Variants in NEBL observed in about 807,000 individuals in gnomAD.
NEBL encodes the protein LIM and SH3 protein 2.
A neutral mutation model predicts 140.2 loss-of-function variants in NEBL; 122 were observed. The observed-to-expected ratio is 0.87, with a 90% CI of 0.75 to 1.01. The LOEUF (loss-of-function observed/expected upper bound fraction) is 1.01, where lower values mean the gene tolerates loss of function less well. NEBL is among the 50% of genes least tolerant of loss of function. The pLI is 0.00. For missense variants in NEBL, 1,365 were observed against 1,231.3 expected, an observed-to-expected ratio of 1.11 and a Z score of -1.62; for synonymous variants, 436 against 398.9, an observed-to-expected ratio of 1.09 and a Z score of -1.11.
At chr10:21,271,688 G>C (rs1390382731) in intron 1 of NEBL, among the ~76,000 whole-genome samples, 1 of 151,760 alleles carries the variant, frequency 6.6e-6, no homozygotes, top group Non-Finnish European at 1.5e-5. Context: ...ACCACGCCTG[G>C]CTGATTTTTG....
intron 3 of NEBL, among the ~76,000 whole-genome samples, chr10:21,188,400 GA>G (rs1841512225): frequency 6.6e-6 from 1 of 152,084 alleles, no homozygotes; most frequent in African/African-American, 2.4e-5. Context: ...TCACAAGTGT[GA>G]TATAAAAACA....
chr10:21,277,982 C>G (rs901683061), intron 1 of NEBL, among the ~76,000 whole-genome samples: 1 of 152,158 alleles, frequency 6.6e-6, no homozygotes, highest in Admixed American at 6.5e-5. Context: ...TGACAAAAGA[C>G]CCCTTGAGGC....
At chr10:20,996,717 A>G (rs573953212) in intron 3 of NEBL, among the ~76,000 whole-genome samples, 1 of 152,336 alleles carries the variant, frequency 6.6e-6, no homozygotes, top group South Asian at 2.1e-4. Context: ...TACCTTCTTA[A>G]AAGTATCATA....
intron 4 of NEBL, among the ~76,000 whole-genome samples, chr10:20,951,109 G>A (rs1340440555): frequency 1.3e-4 from 19 of 150,936 alleles, no homozygotes; most frequent in East Asian, 9.7e-4. Flanking sequence ...ATCTCTATTC[G>A]AAAAAAACAA....
intron 2 of NEBL, among the ~76,000 whole-genome samples, chr10:21,128,949 A>G (rs1838970797): frequency 6.6e-6 from 1 of 152,226 alleles, no homozygotes. Flanking sequence ...CATATAAACT[A>G]GAAACAACAA....
intron 1 of NEBL, among the ~76,000 whole-genome samples, chr10:21,280,619 C>CTTTTTTTTTTTTTTTTTTTTTTTCTTT (rs554320752): frequency 1.0e-5 from 1 of 98,134 alleles, no homozygotes; most frequent in Admixed American, 1.4e-4. Context: ...TTTCTTTTTC[C>CTTTTTTTTTTTTTTTTTTTTTTTCTTT]TTTTTTTTTT....
At chr10:21,258,895 A>C (rs943317740) in intron 1 of NEBL, among the ~76,000 whole-genome samples, 3 of 152,058 alleles carry the variant, frequency 2.0e-5, no homozygotes, top group Non-Finnish European at 2.9e-5. Flanking sequence ...GAGGACCTGC[A>C]TTGGGTCAGG....
At chr10:21,176,476 C>T (rs976918081), upstream of NEBL, among the ~76,000 whole-genome samples, 1 of 152,098 alleles carries the variant, frequency 6.6e-6, no homozygotes, top group Admixed American at 6.5e-5. Flanking sequence ...CTACATCAAA[C>T]CAGCTTCTAA....
At chr10:20,786,039 T>C (rs1318289505) in intron 27 of NEBL, 116 bp from the exon 28 acceptor site, 57 of 996,436 alleles carry the variant, frequency 5.7e-5, no homozygotes, top group Non-Finnish European at 8.5e-5. Flanking sequence ...TTCAAACACA[T>C]GTATCTCTGG....
intron 3 of NEBL, among the ~76,000 whole-genome samples, chr10:21,216,771 G>C (rs1273973760): frequency 7.7e-6 from 1 of 129,298 alleles, no homozygotes. Flanking sequence ...ACTCCATCTC[G>C]AAAAAAAAAA....
chr10:20,945,918 T>C lies in NEBL; in HGVS notation c.357+15754A>G, dbSNP rs142920810. On this transcript the variant is annotated intron_variant, in intron 4 of 6. Coordinates refer to the NEBL transcript ENST00000417816. Reference sequence around the variant, plus strand: ...ATTGTATGCAATTAAATAATTCATTTATCCTCTCTAAATGCCAGTTTGCTC... The same window carrying C: ...ATTGTATGCAATTAAATAATTCATTCATCCTCTCTAAATGCCAGTTTGCTC... 5.3e-5 allele frequency among the ~76,000 whole-genome samples: 8 copies of C among 152,374 alleles called. No homozygotes were observed. In the East Asian group the frequency reaches 1.5e-3, roughly 29 times the overall value.
intron 3 of NEBL, among the ~76,000 whole-genome samples, chr10:21,185,487 CTTTTTTTTTTTT>C (rs10612676): frequency 6.0e-4 from 43 of 72,078 alleles, no homozygotes; most frequent in East Asian, 3.9e-3. Flanking sequence ...ATTTTCTTTC[CTTTTTTTTTTTT>C]TTTTTTTTTT....
chr10:21,106,582 A>T (rs1237845904), intron 2 of NEBL, among the ~76,000 whole-genome samples: 1 of 152,144 alleles, frequency 6.6e-6, no homozygotes, highest in Non-Finnish European at 1.5e-5. Flanking sequence ...TGTTTTGGTT[A>T]CTATAGCCTT....
intron 2 of NEBL, among the ~76,000 whole-genome samples, chr10:21,052,926 G>C (rs546917241): frequency 8.7e-4 from 133 of 152,296 alleles, no homozygotes; most frequent in Non-Finnish European, 1.4e-3. Context: ...AATGGAAAGA[G>C]CATGTTCTAG....
At chr10:21,017,116 T>C (rs77534163) in intron 3 of NEBL, among the ~76,000 whole-genome samples, 3,674 of 152,330 alleles carry the variant, frequency 0.024, 152 homozygotes, top group African/African-American at 0.083. Context: ...ACCTATTCCG[T>C]ACCAGCTAAG....
At chr10:21,011,819 C>T (rs1564479574) in intron 3 of NEBL, among the ~76,000 whole-genome samples, 1 of 152,230 alleles carries the variant, frequency 6.6e-6, no homozygotes, top group South Asian at 2.1e-4. Flanking sequence ...ACATCCACCC[C>T]TGGCCCCAGG....
intron 19 of NEBL, among the ~76,000 whole-genome samples, chr10:20,822,035 A>T (rs912004088): frequency 5.9e-5 from 9 of 152,168 alleles, no homozygotes; most frequent in Non-Finnish European, 8.8e-5. Context: ...CTGCGTTTGC[A>T]CAGCACTTTG....
chr10:20,798,988 G>A (rs1836836913), intron 26 of NEBL, among the ~76,000 whole-genome samples: 1 of 152,030 alleles, frequency 6.6e-6, no homozygotes, highest in Non-Finnish European at 1.5e-5. Context: ...TTTTTCTTAG[G>A]GACGTAACAG....
intron 3 of NEBL, among the ~76,000 whole-genome samples, chr10:21,019,167 A>G (rs1201973375): frequency 6.6e-6 from 1 of 152,222 alleles, no homozygotes; most frequent in African/African-American, 2.4e-5. Flanking sequence ...CACCATCATA[A>G]CAAGCCTCCA....
Sources: allele counts gnomAD v4.1 joint callset (sites outside exome capture counted in the v4.1 genomes callset), GRCh38; gene constraint gnomAD v4.1.1; transcripts MANE v1.5; gene names NCBI Gene and HGNC (gene_info 2026-07-23, HGNC 2026-07-21).